The following PAPSS2 variants were observed in gnomAD, a reference collection of about 807,000 sequenced individuals.
PAPSS2 encodes 3'-phosphoadenosine 5'-phosphosulfate synthase 2.
A neutral mutation model predicts 66.5 loss-of-function variants in PAPSS2; 61 were observed. That is an observed-to-expected ratio of 0.92 (90% confidence interval 0.75 to 1.14). The LOEUF (loss-of-function observed/expected upper bound fraction) is 1.14. PAPSS2 is among the 50% of genes most tolerant of loss of function. PAPSS2 has a pLI of 0.00. For missense variants in PAPSS2, 708 were observed against 789.6 expected (o/e 0.90, Z 1.24); for synonymous variants, 289 against 287.5 (o/e 1.01, Z -0.05).
chr10:87,712,223 T>C (rs1484759652), intron 2 of PAPSS2, among the ~76,000 whole-genome samples: 3 of 152,254 alleles, frequency 2.0e-5, no homozygotes, highest in East Asian at 1.9e-4. Context: ...CTTCCTGTCT[T>C]TATGTTTTGA....
At chr10:87,704,367 C>T (rs1853356176) in intron 1 of PAPSS2, among the ~76,000 whole-genome samples, 1 of 152,130 alleles carries the variant, frequency 6.6e-6, no homozygotes, top group African/African-American at 2.4e-5. Context: ...TGATCAAGAT[C>T]GTAACAAAGT....
At chr10:87,717,859 A>G (rs1853550393) in intron 7 of PAPSS2, among the ~76,000 whole-genome samples, 1 of 152,102 alleles carries the variant, frequency 6.6e-6, no homozygotes, top group Non-Finnish European at 1.5e-5. Context: ...GCAAAGTGCT[A>G]TTATAGACAA....
chr10:87,729,534 C>T (rs1853703154), intron 9 of PAPSS2, among the ~76,000 whole-genome samples: 1 of 152,138 alleles, frequency 6.6e-6, no homozygotes, highest in African/African-American at 2.4e-5. Flanking sequence ...GCCATTCCCG[C>T]ATCTCTCTCC....
chr10:87,685,691 A>T (rs1337611911), intron 1 of PAPSS2, among the ~76,000 whole-genome samples: 9 of 152,104 alleles, frequency 5.9e-5, no homozygotes, highest in East Asian at 1.9e-4. Context: ...CTCAAAAAAA[A>T]TTTTATTTTT....
chr10:87,731,315 C>T (rs563996102), intron 9 of PAPSS2, among the ~76,000 whole-genome samples: 2 of 152,204 alleles, frequency 1.3e-5, no homozygotes, highest in African/African-American at 4.8e-5. Context: ...CTATTGAGAC[C>T]GACTGCTCAA....
At position 87,659,996 on chromosome 10, in the gene PAPSS2, G is replaced by A; in HGVS notation, c.15G>A (p.Lys5=). The change falls in exon 1 of 13, where the codon AAG becomes AAA. Residue 5 remains lysine, a synonymous_variant. Transcript: ENST00000456849. Reference sequence around the variant, plus strand: ...AGCCAGCCAGCATGTCGGGGATCAAGAAGCAAAAGACGGTAGGCTTCCAGG... The same window carrying A: ...AGCCAGCCAGCATGTCGGGGATCAAAAAGCAAAAGACGGTAGGCTTCCAGG... MSGI[K]KQKTENQQKS... 1 of 1,613,286 alleles carries A rather than the reference G, an allele frequency of 6.2e-7. No homozygotes were observed. The highest frequency in any genetic ancestry group is 8.5e-7 in the Non-Finnish European group (1 of 1,179,710).
intron 9 of PAPSS2, among the ~76,000 whole-genome samples, chr10:87,739,381 G>A (rs963011890): frequency 9.2e-5 from 14 of 152,152 alleles, no homozygotes; most frequent in Admixed American, 5.9e-4. Flanking sequence ...ATTTTGCTGC[G>A]CTTTGGAGAT....
chr10:87,679,286 A>C (rs1052428773), intron 1 of PAPSS2, among the ~76,000 whole-genome samples: 6 of 152,184 alleles, frequency 3.9e-5, no homozygotes, highest in Admixed American at 1.3e-4. Context: ...AAAATTGGTT[A>C]GGGTGGGGAG....
intron 9 of PAPSS2, among the ~76,000 whole-genome samples, chr10:87,736,136 G>A (rs1853795992): frequency 6.6e-6 from 1 of 152,000 alleles, no homozygotes; most frequent in Non-Finnish European, 1.5e-5. Flanking sequence ...GAGATTGGCT[G>A]TAAGTATTTG....
chr10:87,689,683 G>GA (rs1231250142), intron 1 of PAPSS2, among the ~76,000 whole-genome samples: 2,347 of 96,844 alleles, frequency 0.024, 62 homozygotes, highest in African/African-American at 0.09. Context: ...AAAAAAAAAA[G>GA]AAAAAAAAAA....
chr10:87,715,609 C>G, intron 6 of PAPSS2, 123 bp from the exon 7 acceptor site: 1 of 722,246 alleles, frequency 1.4e-6, no homozygotes. Flanking sequence ...GGTGGGGACA[C>G]TTAAAACATA....
At chr10:87,735,956 T>C (rs1028886989) in intron 9 of PAPSS2, among the ~76,000 whole-genome samples, 1 of 152,198 alleles carries the variant, frequency 6.6e-6, no homozygotes, top group African/African-American at 2.4e-5. Flanking sequence ...CATCACTATC[T>C]TCGTGTCTTC....
chr10:87,682,194 C>T (rs573786935), intron 1 of PAPSS2, among the ~76,000 whole-genome samples: 1 of 152,314 alleles, frequency 6.6e-6, no homozygotes, highest in East Asian at 1.9e-4. Flanking sequence ...CTGACATTTA[C>T]CCATACAGAC....
At chr10:87,745,681 A>C in intron 12 of PAPSS2, 151 bp from the exon 13 acceptor site, 1 of 727,324 alleles carries the variant, frequency 1.4e-6, no homozygotes, top group Non-Finnish European at 2.4e-6. Flanking sequence ...TCTCTTCTGC[A>C]AGTTCCTGAA....
At chr10:87,715,623 G>A in intron 6 of PAPSS2, 109 bp from the exon 7 acceptor site, 1 of 732,784 alleles carries the variant, frequency 1.4e-6, no homozygotes, top group Non-Finnish European at 2.5e-6. Flanking sequence ...AAACATAGAA[G>A]GTTCTGCCCT....
intron 1 of PAPSS2, among the ~76,000 whole-genome samples, chr10:87,671,221 C>T (rs902736876): frequency 6.6e-6 from 1 of 152,018 alleles, no homozygotes; most frequent in African/African-American, 2.4e-5. Context: ...GATACTATGA[C>T]TGTGAGAATG....
chr10:87,700,749 C>T (rs1406678899), intron 1 of PAPSS2, among the ~76,000 whole-genome samples: 1 of 151,392 alleles, frequency 6.6e-6, no homozygotes, highest in East Asian at 1.9e-4. Flanking sequence ...TAGATGTCTA[C>T]ACTAAAAGTA....
chr10:87,716,774 C>T (rs1853537715), intron 7 of PAPSS2, among the ~76,000 whole-genome samples: 1 of 152,194 alleles, frequency 6.6e-6, no homozygotes, highest in Non-Finnish European at 1.5e-5. Context: ...TAACACCCCA[C>T]AACCTGAATC....
At chr10:87,727,913 G>C (rs1242108811) in intron 9 of PAPSS2, among the ~76,000 whole-genome samples, 1 of 152,174 alleles carries the variant, frequency 6.6e-6, no homozygotes, top group Admixed American at 6.5e-5. Flanking sequence ...GCTGGAACAA[G>C]AACTCAGAGT....
Sources: gnomAD v4.1 joint callset for allele counts (sites outside exome capture counted in the v4.1 genomes callset) on GRCh38, gnomAD v4.1.1 for gene constraint, MANE v1.5 for transcripts, NCBI Gene and HGNC (gene_info 2026-07-23, HGNC 2026-07-21) for gene names.